DCAF1: variants seen among roughly 807,000 people sequenced by gnomAD.
DCAF1 encodes the protein DDB1- and CUL4-associated factor 1.
DCAF1 carries 15 observed loss-of-function variants against 128.0 expected under a neutral mutation model. The observed-to-expected ratio is 0.12, with a 90% CI of 0.08 to 0.18. The LOEUF (loss-of-function observed/expected upper bound fraction) is 0.18. Among genes scored for constraint, DCAF1 ranks in the 10% least tolerant of loss-of-function variants. The probability of loss-of-function intolerance (pLI) is 1.00; values close to 1 mark genes in which losing one functional copy is unlikely to be tolerated. For synonymous variants in DCAF1, 610 were observed against 603.0 expected, an observed-to-expected ratio of 1.01 and a Z score of -0.17; for missense variants, 988 against 1,649.5, an observed-to-expected ratio of 0.60 and a Z score of 6.95.
downstream of DCAF1, chr3:51,396,106 T>A (rs903964534): frequency 6.8e-5 from 28 of 409,690 alleles, 1 homozygote; most frequent in African/African-American, 5.1e-4. Context: ...TGGTATGTTG[T>A]TAAGTCCAAA....
At chr3:51,489,253 G>A (rs1258254711) in intron 2 of DCAF1, among the ~76,000 whole-genome samples, 1 of 152,002 alleles carries the variant, frequency 6.6e-6, no homozygotes, top group African/African-American at 2.4e-5. Flanking sequence ...GGCCAACATG[G>A]TGAAATCTCG....
At chr3:51,465,956 T>C (rs1704084362) in intron 5 of DCAF1, among the ~76,000 whole-genome samples, 1 of 152,136 alleles carries the variant, frequency 6.6e-6, no homozygotes, top group South Asian at 2.1e-4. Flanking sequence ...CCCAGCACTT[T>C]GGGAGGCCAA....
chr3:51,443,431 A>C (rs2107714111), intron 7 of DCAF1, among the ~76,000 whole-genome samples: 1 of 152,154 alleles, frequency 6.6e-6, no homozygotes, highest in Non-Finnish European at 1.5e-5. Context: ...TCTACTAAAA[A>C]TACAAAAAAT....
chr3:51,423,685 G>A (rs1280602440), intron 13 of DCAF1, among the ~76,000 whole-genome samples: 4 of 151,734 alleles, frequency 2.6e-5, no homozygotes, highest in African/African-American at 9.7e-5. Context: ...CAGGCATGGT[G>A]GTGGGCATCT....
intron 1 of DCAF1, among the ~76,000 whole-genome samples, chr3:51,499,388 G>T (rs980560803): frequency 2.0e-5 from 3 of 152,180 alleles, no homozygotes; most frequent in African/African-American, 7.2e-5. Flanking sequence ...GGGAGAGGTG[G>T]CACGAGGCCG....
intron 3 of DCAF1, among the ~76,000 whole-genome samples, chr3:51,474,419 C>T (rs1018331818): frequency 2.0e-5 from 3 of 152,004 alleles, no homozygotes; most frequent in Non-Finnish European, 4.4e-5. Flanking sequence ...AAACTCTGTC[C>T]CAAAAATATA....
intron 23 of DCAF1, among the ~76,000 whole-genome samples, chr3:51,409,939 T>C (rs568046856): frequency 2.8e-4 from 42 of 152,290 alleles, no homozygotes; most frequent in African/African-American, 1.0e-3. Context: ...CTAAAATCCA[T>C]GTCACAAATA....
intron 15 of DCAF1, 138 bp downstream of exon 15, chr3:51,419,595 TG>T: frequency 7.1e-7 from 1 of 1,405,120 alleles, no homozygotes; most frequent in Non-Finnish European, 9.4e-7. Context: ...TGACAAAAGG[TG>T]GTACAATTAC....
At chr3:51,471,636 G>C (rs1553648461) in intron 3 of DCAF1, among the ~76,000 whole-genome samples, 1 of 152,004 alleles carries the variant, frequency 6.6e-6, no homozygotes, top group Non-Finnish European at 1.5e-5. Flanking sequence ...GGGAGGCCGA[G>C]GCAGGAGGAT....
At chr3:51,437,806 C>A (rs1700990438) in intron 9 of DCAF1, among the ~76,000 whole-genome samples, 1 of 151,870 alleles carries the variant, frequency 6.6e-6, no homozygotes, top group African/African-American at 2.4e-5. Flanking sequence ...CAGGGTAAGA[C>A]CTTGTCCTCA....
At chr3:51,398,920 C>T (rs1553624079) in intron 24 of DCAF1, 93 bp from the exon 25 acceptor site, 7 of 1,470,720 alleles carry the variant, frequency 4.8e-6, no homozygotes, top group East Asian at 2.5e-5. Flanking sequence ...CATTCATGCC[C>T]GAGCAAGGTT....
Position 51,467,397 on chromosome 3 carries a change from C to T in DCAF1, c.188-521G>A, listed in dbSNP as rs148566895. On this transcript the variant is annotated intron_variant, in intron 4 of 24. Transcript: ENST00000684031. The stretch of plus-strand genomic sequence containing the variant: ...AACCATCATTCTCAGCAAACTATTG[C>T]GAGGACAAAAAACCAAACACCTGTT... 1.5e-3 allele frequency among the ~76,000 whole-genome samples: 223 copies of T among 152,056 alleles called. 1 individual carries two copies. The highest frequency in any genetic ancestry group is 0.01 in the Admixed American group (159 of 15,230).
chr3:51,498,389 A>G (rs1286636795), intron 1 of DCAF1, among the ~76,000 whole-genome samples: 6 of 151,392 alleles, frequency 4.0e-5, no homozygotes, highest in Non-Finnish European at 8.8e-5. Flanking sequence ...AAAAAAAAAA[A>G]AAAGAGTTAT....
intron 22 of DCAF1, 34 bp from the exon 23 acceptor site, chr3:51,412,514 T>A: frequency 6.2e-7 from 1 of 1,612,992 alleles, no homozygotes; most frequent in Non-Finnish European, 8.5e-7. Context: ...AAGGAGCAGT[T>A]ACTTTTCAGA....
At chr3:51,436,449 A>AT (rs1553636740) in intron 9 of DCAF1, 1 of 519,960 alleles carries the variant, frequency 1.9e-6, no homozygotes, top group East Asian at 5.4e-5. Flanking sequence ...ACACTGAGCC[A>AT]TGTCAGCCAT....
chr3:51,452,694 A>T (rs1468755456), intron 6 of DCAF1, among the ~76,000 whole-genome samples: 1 of 152,176 alleles, frequency 6.6e-6, no homozygotes, highest in African/African-American at 2.4e-5. Context: ...GACAACATGG[A>T]AATTTTCAAA....
At chr3:51,499,759 A>T (rs1452823400) in intron 1 of DCAF1, 114 bp downstream of exon 1, 1 of 133,984 alleles carries the variant, frequency 7.5e-6, no homozygotes, top group Admixed American at 7.6e-5. Flanking sequence ...CCGGCGGCCC[A>T]AGCAGGTGCC....
At chr3:51,469,450 A>C (rs1553647704) in intron 4 of DCAF1, among the ~76,000 whole-genome samples, 2 of 151,542 alleles carry the variant, frequency 1.3e-5, no homozygotes, top group Non-Finnish European at 2.9e-5. Flanking sequence ...GGCTGGTCGC[A>C]AACTCCCGAC....
chr3:51,443,003 CA>C (rs1701507580), intron 7 of DCAF1, among the ~76,000 whole-genome samples: 1 of 151,836 alleles, frequency 6.6e-6, no homozygotes, highest in African/African-American at 2.4e-5. Flanking sequence ...ATCTGTGCAG[CA>C]AATTACCATG....
Sources: allele counts gnomAD v4.1 joint callset (sites outside exome capture counted in the v4.1 genomes callset), GRCh38; gene constraint gnomAD v4.1.1; transcripts MANE v1.5; gene names NCBI Gene and HGNC (gene_info 2026-07-23, HGNC 2026-07-21).